NAV2: variants seen among roughly 807,000 people sequenced by gnomAD.
NAV2 encodes helicase, APC down-regulated 1.
Under a neutral mutation model 223.2 loss-of-function variants are expected in NAV2, and 54 were observed. That is an observed-to-expected ratio of 0.24 (90% CI 0.19 to 0.30). The LOEUF is 0.30. Among genes scored for constraint, NAV2 ranks in the 10% least tolerant of loss-of-function variants. NAV2 has a pLI of 1.00. For missense variants in NAV2, 2,806 were observed against 3,147.5 expected (o/e 0.89, Z 2.60); for synonymous variants, 1,279 against 1,239.3 (o/e 1.03, Z -0.67).
At chr11:19,458,433 A>G (rs1181310529) in intron 1 of NAV2, among the ~76,000 whole-genome samples, 1 of 152,244 alleles carries the variant, frequency 6.6e-6, no homozygotes, top group South Asian at 2.1e-4. Flanking sequence ...GAAATATGAT[A>G]AAGTCTAGCC....
chr11:19,520,905 C>T lies in NAV2; in HGVS notation c.75+169878C>T, dbSNP rs117485275. Among the ~76,000 whole-genome samples the T allele has an allele frequency of 5.0e-3, 757 of 152,284 alleles. 3 individuals are homozygous for T. The highest frequency in any genetic ancestry group is 6.4e-3 in the Non-Finnish European group (438 of 68,030). ...CCATTACCATTTCATTACTCATCTG[C>T]TAATTGTGGCAAATGGGGATTTTAC... On this transcript the variant is annotated intron_variant, in intron 1 of 37. Transcript: ENST00000360655.
intron 1 of NAV2, among the ~76,000 whole-genome samples, chr11:19,600,644 T>A (rs1460522678): frequency 6.6e-6 from 1 of 152,208 alleles, no homozygotes; most frequent in Non-Finnish European, 1.5e-5. Context: ...GCGGGTTTCT[T>A]AGCTTCCTTG....
rs1272706662 is a variant in NAV2, at chr11:20,049,203, C to T, written c.4370+8C>T. The T allele has an allele frequency of 1.3e-6, 2 of 1,545,332 alleles. No individual in the cohort carries two copies. Among genetic ancestry groups the T allele is most frequent in the Non-Finnish European group, 1.8e-6 (2 of 1,142,288 alleles). On this transcript the variant is annotated splice_region_variant and intron_variant, in intron 15 of 37. Transcript: ENST00000349880. Reference sequence around the variant, plus strand: ...GACCACACTGTCAGAAAGGTTGGTGCTGTGCCTCTGGCTGCCTTTCTCAGA... The same window carrying T: ...GACCACACTGTCAGAAAGGTTGGTGTTGTGCCTCTGGCTGCCTTTCTCAGA...
intron 6 of NAV2, among the ~76,000 whole-genome samples, chr11:19,932,257 A>AAAAAAAAAAAAAAAAG (rs1555153008): frequency 2.7e-3 from 267 of 99,970 alleles, no homozygotes; most frequent in Middle Eastern, 6.0e-3. Flanking sequence ...AAAAAAAAAA[A>AAAAAAAAAAAAAAAAG]AAAGAAAGAA....
chr11:19,889,999 C>A (rs144749440), intron 5 of NAV2, among the ~76,000 whole-genome samples: 1 of 152,174 alleles, frequency 6.6e-6, no homozygotes, highest in East Asian at 1.9e-4. Flanking sequence ...TGTGCCATAG[C>A]ATGTTTCTTT....
chr11:19,975,516 C>T (rs1591497274), intron 10 of NAV2, among the ~76,000 whole-genome samples: 1 of 152,186 alleles, frequency 6.6e-6, no homozygotes, highest in African/African-American at 2.4e-5. Flanking sequence ...TTTTATTAAA[C>T]TTGTGGAAAG....
At chr11:19,421,421 A>C (rs1850608566) in intron 1 of NAV2, among the ~76,000 whole-genome samples, 1 of 152,188 alleles carries the variant, frequency 6.6e-6, no homozygotes, top group Non-Finnish European at 1.5e-5. Context: ...TTCCTAACAG[A>C]AGGCTCACAT....
At chr11:19,553,364 C>A (rs2044751796) in intron 1 of NAV2, among the ~76,000 whole-genome samples, 1 of 152,260 alleles carries the variant, frequency 6.6e-6, no homozygotes, top group Admixed American at 6.5e-5. Context: ...TGTGCGGATT[C>A]TGTTCCTGGG....
chr11:19,870,553 A>G (rs2062416464), intron 4 of NAV2, among the ~76,000 whole-genome samples: 1 of 151,968 alleles, frequency 6.6e-6, no homozygotes, highest in African/African-American at 2.4e-5. Flanking sequence ...CCATCTACCC[A>G]TTGGCCTGAC....
intron 1 of NAV2, among the ~76,000 whole-genome samples, chr11:19,378,653 C>T (rs1848726757): frequency 6.7e-6 from 1 of 148,272 alleles, no homozygotes; most frequent in African/African-American, 2.5e-5. Flanking sequence ...AGGAGATGCT[C>T]CCTGTCATGA....
intron 1 of NAV2, among the ~76,000 whole-genome samples, chr11:19,512,401 G>C (rs1674686645): frequency 6.6e-6 from 1 of 152,224 alleles, no homozygotes; most frequent in Non-Finnish European, 1.5e-5. Flanking sequence ...AAGGTGGGCA[G>C]TAATGGTAAA....
chr11:19,831,917 A>T (rs559337377), intron 1 of NAV2, among the ~76,000 whole-genome samples: 1 of 152,340 alleles, frequency 6.6e-6, no homozygotes, highest in South Asian at 2.1e-4. Flanking sequence ...TAAATTTGAG[A>T]TTATTGTGAG....
At chr11:19,378,765 A>G (rs1848730841) in intron 1 of NAV2, among the ~76,000 whole-genome samples, 1 of 151,642 alleles carries the variant, frequency 6.6e-6, no homozygotes, top group Non-Finnish European at 1.5e-5. Flanking sequence ...CAGCACACAC[A>G]CCTTAGTGCT....
At chr11:19,724,189 C>A (rs563131577) in intron 1 of NAV2, among the ~76,000 whole-genome samples, 2 of 152,232 alleles carry the variant, frequency 1.3e-5, no homozygotes, top group South Asian at 4.2e-4. Flanking sequence ...TCACCCAGCT[C>A]CAAAGAGCAG....
In NAV2 at chr11:19,796,859, C is replaced by T. The variant is rs78298242; in HGVS notation, c.268-35625C>T. Among the ~76,000 whole-genome samples, 474 of 152,290 alleles carry T rather than the reference C, an allele frequency of 3.1e-3. 3 individuals carry two copies. The highest frequency in any genetic ancestry group is 9.9e-3 in the African/African-American group (412 of 41,554). The stretch of plus-strand genomic sequence containing the variant: ...TGTTACCATGTAGCTGAGATTTGCA[C>T]GCTTTCTCTGATTAGGTAGTCTCCC... On this transcript the variant is annotated intron_variant, in intron 1 of 37. Coordinates refer to ENST00000349880, the MANE Select transcript of NAV2 (RefSeq NM_145117.5).
intron 19 of NAV2, chr11:20,056,613 G>C (rs756996834): frequency 6.2e-7 from 1 of 1,612,654 alleles, no homozygotes; most frequent in South Asian, 1.1e-5. Flanking sequence ...GTTCCATCAC[G>C]CAAGGTATGA....
intron 10 of NAV2, among the ~76,000 whole-genome samples, chr11:19,975,828 A>G (rs1389277704): frequency 2.0e-5 from 3 of 152,232 alleles, no homozygotes; most frequent in Non-Finnish European, 4.4e-5. Flanking sequence ...AGTCACTGCT[A>G]AGGTGGGGCC....
chr11:19,424,372 G>A (rs969020870), intron 1 of NAV2, among the ~76,000 whole-genome samples: 4 of 152,122 alleles, frequency 2.6e-5, no homozygotes, highest in Admixed American at 2.6e-4. Context: ...CAGAAGGTTG[G>A]GCTGAAATGC....
intron 1 of NAV2, among the ~76,000 whole-genome samples, chr11:19,597,193 G>A (rs948577426): frequency 6.6e-6 from 1 of 152,210 alleles, no homozygotes; most frequent in Admixed American, 6.5e-5. Context: ...TCCTCAGGCT[G>A]TTAGGAAGAG....
Sources: allele counts gnomAD v4.1 joint callset (sites outside exome capture counted in the v4.1 genomes callset), GRCh38; gene constraint gnomAD v4.1.1; transcripts MANE v1.5; gene names NCBI Gene and HGNC (gene_info 2026-07-23, HGNC 2026-07-21).